TPD52L1: variants seen among roughly 807,000 people sequenced by gnomAD.
TPD52L1 encodes tumor protein D53.
Under a neutral mutation model 28.7 loss-of-function variants are expected in TPD52L1, and 18 were observed. The ratio of observed to expected loss-of-function variants is 0.63; its 90% confidence interval spans 0.43 to 0.93. The LOEUF (loss-of-function observed/expected upper bound fraction) is 0.93. Among genes scored for constraint, TPD52L1 ranks in the 40% least tolerant of loss-of-function variants. The probability of loss-of-function intolerance (pLI) is 0.00; values close to 1 mark genes in which losing one functional copy is unlikely to be tolerated. For missense variants in TPD52L1, 203 were observed against 254.8 expected (o/e 0.80, Z 1.39); for synonymous variants, 75 against 88.8 (o/e 0.84, Z 0.88).
chr6:125,160,275 T>C (rs1582826959), intron 1 of TPD52L1, among the ~76,000 whole-genome samples: 1 of 152,210 alleles, frequency 6.6e-6, no homozygotes, highest in Admixed American at 6.5e-5. Context: ...AGAAACCATA[T>C]TGTAAACAGT....
At chr6:125,179,632 A>G (rs3799771) in intron 1 of TPD52L1, among the ~76,000 whole-genome samples, 18,592 of 152,236 alleles carry the variant, frequency 0.12, 1,292 homozygotes, top group East Asian at 0.36. Context: ...TTTTTACAAT[A>G]CTGATCATTT....
chr6:125,154,593 C>T, intron 1 of TPD52L1: 8 of 950,824 alleles, frequency 8.4e-6, no homozygotes, highest in Non-Finnish European at 1.0e-5. Flanking sequence ...GCGGGGCCCC[C>T]GGCCGCCCAG....
At chr6:125,170,690 T>C (rs1327641017) in intron 1 of TPD52L1, among the ~76,000 whole-genome samples, 6 of 152,172 alleles carry the variant, frequency 3.9e-5, no homozygotes, top group Non-Finnish European at 1.5e-5. Context: ...TTGTGTCTTC[T>C]GCCAATATCC....
intron 3 of TPD52L1, among the ~76,000 whole-genome samples, chr6:125,242,092 C>G (rs1213026506): frequency 6.6e-6 from 1 of 151,916 alleles, no homozygotes; most frequent in Non-Finnish European, 1.5e-5. Context: ...AAAGATTATT[C>G]AAGAGCAGAT....
intron 1 of TPD52L1, among the ~76,000 whole-genome samples, chr6:125,176,031 G>A (rs1319072018): frequency 6.6e-6 from 1 of 152,192 alleles, no homozygotes; most frequent in Non-Finnish European, 1.5e-5. Context: ...CGAATCCCAT[G>A]GGGATGATCT....
intron 1 of TPD52L1, among the ~76,000 whole-genome samples, chr6:125,198,041 G>A (rs1187720569): frequency 1.3e-5 from 2 of 152,190 alleles, no homozygotes; most frequent in Non-Finnish European, 2.9e-5. Flanking sequence ...AGCCCTACCA[G>A]GAACTAGGAT....
chr6:125,244,832 T>C (rs1414602135), intron 3 of TPD52L1, among the ~76,000 whole-genome samples: 1 of 152,126 alleles, frequency 6.6e-6, no homozygotes, highest in African/African-American at 2.4e-5. Context: ...TGCAATTGTG[T>C]CTCTGCTATG....
In TPD52L1 at chr6:125,253,638, G is replaced by A. The variant is rs143068689; in HGVS notation, c.387-79G>A. 8.5e-4 allele frequency: 1,078 copies of A among 1,267,302 alleles called. 5 individuals are homozygous for A. The African/African-American group carries it at 0.013, about 15-fold the overall frequency. The allele number at this position is 1,267,302 out of a possible 1,614,324, so 78.5% of individuals were successfully genotyped here. A position where few individuals can be genotyped will look rare whatever the true frequency, so the allele number is the denominator to read the frequency against. On this transcript the variant is annotated intron_variant, in intron 4 of 6. Transcript: ENST00000534000. ...TTTGGAATTGCTGTTTTAGAACTAC[G>A]AATAGGGAGTTTTTCATGTACTTAT...
chr6:125,258,329 T>C (rs781757785), intron 6 of TPD52L1, among the ~76,000 whole-genome samples: 1 of 152,168 alleles, frequency 6.6e-6, no homozygotes, highest in Non-Finnish European at 1.5e-5. Context: ...ACATCATCGC[T>C]TATTGAGCGT....
chr6:125,154,176 G>C, intron 1 of TPD52L1: 1 of 1,371,156 alleles, frequency 7.3e-7, no homozygotes, highest in South Asian at 1.7e-5. Flanking sequence ...AAAGTGACAG[G>C]GGATCCGTAA....
At chr6:125,211,299 CT>C in intron 1 of TPD52L1, among the ~76,000 whole-genome samples, 1 of 150,344 alleles carries the variant, frequency 6.7e-6, no homozygotes, top group African/African-American at 2.5e-5. Context: ...ATCTATCTAT[CT>C]ATCTATCGTG....
Position 125,208,801 on chromosome 6 carries a change from G to A in TPD52L1, c.20-11277G>A, listed in dbSNP as rs77260376. 1.8e-3 allele frequency: 874 copies of A among 473,496 alleles called. 6 individuals are homozygous for A. Among genetic ancestry groups the A allele is most frequent in the African/African-American group, 0.017 (790 of 47,452 alleles). 29.3% of individuals were successfully genotyped at this position (473,496 alleles called of 1,614,324 possible). A position where few individuals can be genotyped will look rare whatever the true frequency, so the allele number is the denominator to read the frequency against. ...GAGAAAAAGTAGCAAATGCCTGAGA[G>A]TGGGCCAGGTGCTGAGAGAGTGCTG... On this transcript the variant is annotated intron_variant, in intron 1 of 6. Transcript: ENST00000534000.
chr6:125,228,308 G>T (rs1459421129), intron 2 of TPD52L1, among the ~76,000 whole-genome samples: 1 of 152,150 alleles, frequency 6.6e-6, no homozygotes, highest in Admixed American at 6.5e-5. Context: ...GGCTTCACGG[G>T]TAGATACATA....
intron 1 of TPD52L1, among the ~76,000 whole-genome samples, chr6:125,198,868 T>C (rs1199101047): frequency 1.3e-5 from 2 of 152,190 alleles, no homozygotes; most frequent in African/African-American, 4.8e-5. Flanking sequence ...CTGCTGAGCA[T>C]CCTGCAGTGA....
At chr6:125,179,675 C>A (rs1792058827) in intron 1 of TPD52L1, among the ~76,000 whole-genome samples, 1 of 152,082 alleles carries the variant, frequency 6.6e-6, no homozygotes, top group South Asian at 2.1e-4. Flanking sequence ...GGTGTAAGTT[C>A]TTTTTCACAG....
chr6:125,175,202 A>G (rs1791745786), intron 1 of TPD52L1, among the ~76,000 whole-genome samples: 1 of 152,152 alleles, frequency 6.6e-6, no homozygotes, highest in Admixed American at 6.6e-5. Context: ...TAAAACAATG[A>G]CTGTTCATGG....
At chr6:125,237,768 C>G (rs796443747) in intron 3 of TPD52L1, among the ~76,000 whole-genome samples, 1 of 151,824 alleles carries the variant, frequency 6.6e-6, no homozygotes, top group African/African-American at 2.4e-5. Flanking sequence ...CTCAGCCTCC[C>G]GAGTTGCTGG....
At chr6:125,156,463 C>CAAAAAAA (rs758623258) in intron 1 of TPD52L1, among the ~76,000 whole-genome samples, 25 of 37,186 alleles carry the variant, frequency 6.7e-4, no homozygotes, top group African/African-American at 1.8e-3. Context: ...GACCTTGTCT[C>CAAAAAAA]AAAAAAAAAA....
chr6:125,235,104 T>C (rs796936058), intron 3 of TPD52L1, among the ~76,000 whole-genome samples: 1 of 142,414 alleles, frequency 7.0e-6, no homozygotes, highest in Non-Finnish European at 1.5e-5. Context: ...CAAATAACAA[T>C]AATAATAATA....
Sources: allele counts gnomAD v4.1 joint callset (sites outside exome capture counted in the v4.1 genomes callset), GRCh38; gene constraint gnomAD v4.1.1; transcripts MANE v1.5; gene names NCBI Gene and HGNC (gene_info 2026-07-23, HGNC 2026-07-21).